SEMA3E: variants seen among roughly 807,000 people sequenced by gnomAD.
SEMA3E encodes semaphorin-3E.
Under a neutral mutation model 93.6 loss-of-function variants are expected in SEMA3E, and 49 were observed. That is an observed-to-expected ratio of 0.52 (90% CI 0.42 to 0.66). The LOEUF is 0.66. Ranked by LOEUF, SEMA3E falls within the 30% of genes least tolerant of loss-of-function variation. The probability of loss-of-function intolerance (pLI) is 0.00; values close to 1 mark genes in which losing one functional copy is unlikely to be tolerated. For synonymous variants in SEMA3E, 363 were observed against 330.7 expected, an observed-to-expected ratio of 1.10 and a Z score of -1.06; for missense variants, 906 against 964.8, an observed-to-expected ratio of 0.94 and a Z score of 0.81.
chr7:83,587,881 A>T (rs2115933880), intron 1 of SEMA3E, among the ~76,000 whole-genome samples: 1 of 152,222 alleles, frequency 6.6e-6, no homozygotes, highest in African/African-American at 2.4e-5. Context: ...TAATTAAAAT[A>T]TTTAAATGCT....
chr7:83,385,218 T>C (rs1296909081), intron 16 of SEMA3E, 76 bp downstream of exon 16: 54 of 1,523,904 alleles, frequency 3.5e-5, no homozygotes, highest in Non-Finnish European at 4.6e-5. Flanking sequence ...TTTTTCAGCA[T>C]CCAAATAAAT....
At chr7:83,475,957 T>C (rs547863576) in intron 2 of SEMA3E, among the ~76,000 whole-genome samples, 1 of 152,324 alleles carries the variant, frequency 6.6e-6, no homozygotes, top group African/African-American at 2.4e-5. Context: ...CTGATATTTT[T>C]TCAACGGACA....
chr7:83,468,032 A>G (rs1361392911), intron 3 of SEMA3E, among the ~76,000 whole-genome samples: 1 of 152,230 alleles, frequency 6.6e-6, no homozygotes, highest in East Asian at 1.9e-4. Context: ...TTTAGTGCCC[A>G]GTATTACTTG....
At chr7:83,452,100 T>G (rs1006765198) in intron 4 of SEMA3E, among the ~76,000 whole-genome samples, 1 of 150,664 alleles carries the variant, frequency 6.6e-6, no homozygotes, top group Non-Finnish European at 1.5e-5. Context: ...ATGAATGAGA[T>G]AGAATTATAT....
chr7:83,593,986 T>C (rs1029539236), intron 1 of SEMA3E, among the ~76,000 whole-genome samples: 9 of 152,174 alleles, frequency 5.9e-5, no homozygotes, highest in Admixed American at 5.9e-4. Context: ...AATATTTCAT[T>C]TCACATTTGT....
At chr7:83,477,306 T>C (rs1192978432) in intron 2 of SEMA3E, among the ~76,000 whole-genome samples, 1 of 152,140 alleles carries the variant, frequency 6.6e-6, no homozygotes, top group Non-Finnish European at 1.5e-5. Flanking sequence ...TGAAAAGTGT[T>C]TGCCTATATT....
At chr7:83,424,675 C>A (rs1048329627) in intron 4 of SEMA3E, among the ~76,000 whole-genome samples, 17 of 152,080 alleles carry the variant, frequency 1.1e-4, no homozygotes, top group African/African-American at 4.1e-4. Flanking sequence ...CCTTACATGG[C>A]AAAAGGGACT....
chr7:83,608,498 C>T (rs990004087), intron 1 of SEMA3E, among the ~76,000 whole-genome samples: 1 of 151,938 alleles, frequency 6.6e-6, no homozygotes, highest in Non-Finnish European at 1.5e-5. Context: ...CATTTTATAT[C>T]ATTGAATTTA....
At chr7:83,404,964 C>G (rs144191967) in intron 9 of SEMA3E, among the ~76,000 whole-genome samples, 138 of 151,960 alleles carry the variant, frequency 9.1e-4, no homozygotes, top group African/African-American at 3.2e-3. Flanking sequence ...TGGCATCTGT[C>G]AAGGCATTAT....
At chr7:83,465,352 G>C (rs1208359960) in intron 4 of SEMA3E, among the ~76,000 whole-genome samples, 1 of 152,108 alleles carries the variant, frequency 6.6e-6, no homozygotes, top group Non-Finnish European at 1.5e-5. Context: ...CACAAAGCCT[G>C]TTTGGTGGTC....
At chr7:83,395,212 A>G (rs1343954582) in intron 12 of SEMA3E, among the ~76,000 whole-genome samples, 2 of 152,200 alleles carry the variant, frequency 1.3e-5, no homozygotes, top group African/African-American at 4.8e-5. Context: ...AGTTTATAAC[A>G]TGAAATGAAA....
intron 8 of SEMA3E, among the ~76,000 whole-genome samples, 167 bp downstream of exon 8, chr7:83,405,778 C>G (rs1420439008): frequency 6.6e-6 from 1 of 152,010 alleles, no homozygotes; most frequent in African/African-American, 2.4e-5. Context: ...CTTGCAATCC[C>G]TTTTCCCCCA....
chr7:83,566,636 T>C (rs909320902), intron 1 of SEMA3E, among the ~76,000 whole-genome samples: 6 of 152,210 alleles, frequency 3.9e-5, no homozygotes, highest in Non-Finnish European at 8.8e-5. Flanking sequence ...TTGGTGTTAT[T>C]TGTCCCAACA....
intron 5 of SEMA3E, among the ~76,000 whole-genome samples, chr7:83,417,309 C>T (rs1171472390): frequency 6.6e-6 from 1 of 151,952 alleles, no homozygotes; most frequent in Non-Finnish European, 1.5e-5. Flanking sequence ...GAATGCAAGA[C>T]CCATCAAAAT....
chr7:83,531,499 C>T (rs556624840), intron 1 of SEMA3E, among the ~76,000 whole-genome samples: 6 of 151,712 alleles, frequency 4.0e-5, no homozygotes, highest in African/African-American at 1.4e-4. Flanking sequence ...ATTACAGGTG[C>T]GTGCCACCAT....
At chr7:83,532,626 C>T (rs145787910) in intron 1 of SEMA3E, among the ~76,000 whole-genome samples, 2,147 of 152,178 alleles carry the variant, frequency 0.014, 60 homozygotes, top group African/African-American at 0.049. Context: ...CAAGTTTCTT[C>T]TCTGTGCTTA....
At chr7:83,644,345 G>A (rs1014781135) in intron 1 of SEMA3E, among the ~76,000 whole-genome samples, 5 of 151,836 alleles carry the variant, frequency 3.3e-5, no homozygotes, top group African/African-American at 4.8e-5. Flanking sequence ...TGTTTTATGC[G>A]ATTTAAGAGC....
intron 4 of SEMA3E, among the ~76,000 whole-genome samples, chr7:83,456,710 G>C (rs997071945): frequency 2.6e-5 from 4 of 151,674 alleles, no homozygotes; most frequent in African/African-American, 9.7e-5. Flanking sequence ...ACCTCCTGGG[G>C]TCAAGCGATT....
At chr7:83,622,569 T>C (rs1793586028) in intron 1 of SEMA3E, among the ~76,000 whole-genome samples, 1 of 152,090 alleles carries the variant, frequency 6.6e-6, no homozygotes, top group Admixed American at 6.5e-5. Context: ...AGCAAAGACA[T>C]GGAATCAACC....
Sources: allele counts gnomAD v4.1 joint callset (sites outside exome capture counted in the v4.1 genomes callset), GRCh38; gene constraint gnomAD v4.1.1; transcripts MANE v1.5; gene names NCBI Gene and HGNC (gene_info 2026-07-23, HGNC 2026-07-21).